HSD11B1L: variants seen among roughly 807,000 people sequenced by gnomAD.
HSD11B1L encodes hydroxysteroid 11-beta-dehydrogenase 1-like protein.
HSD11B1L carries 22 observed loss-of-function variants against 27.0 expected under a neutral mutation model. The ratio of observed to expected loss-of-function variants is 0.81; its 90% confidence interval spans 0.58 to 1.16. The LOEUF is 1.16. Among genes scored for constraint, HSD11B1L ranks in the 50% most tolerant of loss-of-function variants. HSD11B1L has a pLI of 0.00. For missense variants in HSD11B1L, 372 were observed against 401.8 expected, an observed-to-expected ratio of 0.93 and a Z score of 0.63; for synonymous variants, 187 against 189.2, an observed-to-expected ratio of 0.99 and a Z score of 0.09.
chr19:5,686,558 G>T (rs753305620), intron 4 of HSD11B1L, 31 bp downstream of exon 4: 2 of 1,520,090 alleles, frequency 1.3e-6, no homozygotes, highest in Non-Finnish European at 1.8e-6. Flanking sequence ...CCTGGAGTCC[G>T]GGACCGTGGC....
In HSD11B1L at chr19:5,687,351, C is replaced by CTGG. The variant is rs2054726283; in HGVS notation, c.487_489dup (p.Val163dup). ...CAGCCTGACGGACAGCAAGGGCTCCCTGGTGGTGGTGTCCTCGCTGCTCGG... is the reference window on the plus strand; with the variant it reads ...CAGCCTGACGGACAGCAAGGGCTCCCTGGTGGTGGTGGTGTCCTCGCTGCTCGG... On this transcript the variant is annotated inframe_insertion, in exon 6 of 8. Coordinates refer to ENST00000339423, the MANE Select transcript of HSD11B1L (RefSeq NM_198706.3). The surrounding 1 kb of genome is among the most constrained non-coding windows in gnomAD (Gnocchi z 6.6). 6.2e-7 allele frequency: 1 copy of CTGG among 1,612,738 alleles called. No individual in the cohort carries two copies. The highest frequency in any genetic ancestry group is 8.5e-7 in the Non-Finnish European group (1 of 1,179,746).
rs1291073948 is a variant in HSD11B1L, at chr19:5,688,167, C to G, written c.*222C>G. The G allele has an allele frequency of 1.0e-5, 16 of 1,550,356 alleles. No homozygotes were observed. Among genetic ancestry groups the G allele is most frequent in the Non-Finnish European group, 4.4e-6 (5 of 1,146,924 alleles). The stretch of plus-strand genomic sequence containing the variant: ...GTTAGGCGCCTTTGTCGGGGACTTG[C>G]AAGGCCTCACCTGTTTGGCCATGAT... On this transcript the variant is annotated 3_prime_UTR_variant, in exon 8 of 8. Coordinates refer to ENST00000339423, the MANE Select transcript of HSD11B1L (RefSeq NM_198706.3).
At position 5,684,826 on chromosome 19, in the gene HSD11B1L, C is replaced by T. The variant is rs1599421711; in HGVS notation, c.-7C>T. The T allele has an allele frequency of 2.5e-6, 4 of 1,613,758 alleles. No homozygotes were observed. Among genetic ancestry groups the T allele is most frequent in the Non-Finnish European group, 3.4e-6 (4 of 1,179,998 alleles). On this transcript the variant is annotated 5_prime_UTR_variant, in exon 2 of 8. Transcript: ENST00000339423. ...TCCCCTGTCCCTCTGCAGGCCCACA[C>T]AGGACCATGAAGGTGCTTCTCCTCA...
At chr19:5,681,787 C>A (rs1415489818) in intron 1 of HSD11B1L, among the ~76,000 whole-genome samples, 1 of 152,180 alleles carries the variant, frequency 6.6e-6, no homozygotes, top group Non-Finnish European at 1.5e-5. Context: ...ATCCACCCAT[C>A]CATCTATTCA....
Position 5,685,357 on chromosome 19 carries a change from C to T in HSD11B1L, c.204+238C>T, listed in dbSNP as rs1290844316. The T allele has an allele frequency of 4.6e-6, 3 of 654,802 alleles. No homozygotes were observed. Among genetic ancestry groups the T allele is most frequent in the South Asian group, 1.5e-5 (1 of 66,352 alleles). The allele number at this position is 654,802 out of a possible 1,614,324, so 40.6% of individuals were successfully genotyped here. A position where few individuals can be genotyped will look rare whatever the true frequency, so the allele number is the denominator to read the frequency against. ...TTGGGAGGCCGAGGAAAGTGGATCACCTGAGGTCAGGAGTTCAAGACCAGC... is the reference window on the plus strand; with the variant it reads ...TTGGGAGGCCGAGGAAAGTGGATCATCTGAGGTCAGGAGTTCAAGACCAGC... On this transcript the variant is annotated intron_variant, in intron 3 of 7. Coordinates refer to ENST00000339423, the MANE Select transcript of HSD11B1L (RefSeq NM_198706.3). The surrounding 1 kb of genome is among the most constrained non-coding windows in gnomAD (Gnocchi z 4.3).
intron 1 of HSD11B1L, among the ~76,000 whole-genome samples, chr19:5,681,636 ATCCATCCATCCATCCATGCATCCGTCCG>A (rs1054849682): frequency 2.6e-5 from 4 of 151,254 alleles, no homozygotes; most frequent in South Asian, 2.1e-4. Flanking sequence ...CCATCCATCC[ATCCATCCATCCATCCATGCATCCGTCCG>A]TCCATCCATC....
At chr19:5,686,783 A>T in intron 4 of HSD11B1L, 117 bp from the exon 5 acceptor site, 1 of 838,740 alleles carries the variant, frequency 1.2e-6, no homozygotes, top group Non-Finnish European at 1.9e-6. Context: ...TCGTAGTGGG[A>T]GTTACCTGGG....
Position 5,684,763 on chromosome 19 carries a change from C to T in HSD11B1L, c.-14-56C>T, listed in dbSNP as rs760648115. ...GGCATCACCAAACACCCACCAAACA[C>T]GGGTGGCTGTGGGCCAGGCCTGTGC... On this transcript the variant is annotated intron_variant, in intron 1 of 7. Transcript: ENST00000339423. 192 of 1,609,154 alleles carry T rather than the reference C, an allele frequency of 1.2e-4. 1 individual carries two copies. The highest frequency in any genetic ancestry group is 6.5e-4 in the South Asian group (59 of 90,910).
At chr19:5,681,905 C>T (rs1399977877) in intron 1 of HSD11B1L, among the ~76,000 whole-genome samples, 1 of 152,210 alleles carries the variant, frequency 6.6e-6, no homozygotes, top group Non-Finnish European at 1.5e-5. Context: ...CCATCTGGTC[C>T]CACTTCCCCC....
At chr19:5,686,832 C>T in intron 4 of HSD11B1L, 68 bp from the exon 5 acceptor site, 2 of 1,334,908 alleles carry the variant, frequency 1.5e-6, no homozygotes, top group South Asian at 1.4e-5. Flanking sequence ...TGGAGCTAAG[C>T]TCGGGGGCGG....
At position 5,687,371 on chromosome 19, in the gene HSD11B1L, G is replaced by A. The variant is rs559436875; in HGVS notation, c.498G>A (p.Leu166=). 6 of 1,611,884 alleles carry A rather than the reference G, an allele frequency of 3.7e-6. No individual in the cohort carries two copies. In the Admixed American group the frequency reaches 5.0e-5, roughly 13 times the overall value. Residue 166 remains leucine (L), a synonymous_variant, in exon 6 of 8, where the codon CTG becomes CTA. Coordinates refer to ENST00000339423, the MANE Select transcript of HSD11B1L (RefSeq NM_198706.3). The surrounding 1 kb of genome is among the most constrained non-coding windows in gnomAD (Gnocchi z 6.6). ...SKGSLVVVSS[L]LGRVPTSFST... is the part of the protein sequence containing the mutation. Reference sequence around the variant, plus strand: ...GCTCCCTGGTGGTGGTGTCCTCGCTGCTCGGTGCGTGCACCCGGCCCCGGC... The same window carrying A: ...GCTCCCTGGTGGTGGTGTCCTCGCTACTCGGTGCGTGCACCCGGCCCCGGC...
At chr19:5,686,835 G>T (rs1199729028) in intron 4 of HSD11B1L, 65 bp from the exon 5 acceptor site, 3 of 1,347,874 alleles carry the variant, frequency 2.2e-6, no homozygotes, top group African/African-American at 2.9e-5. Flanking sequence ...AGCTAAGCTC[G>T]GGGGCGGGGT....
rs926489251 is a variant in HSD11B1L at position 5,686,422 on chromosome 19, G to A, written c.211G>A (p.Gly71Arg). 1.3e-6 allele frequency: 2 copies of A among 1,571,298 alleles called. No homozygotes were observed. The highest frequency in any genetic ancestry group is 1.7e-6 in the Non-Finnish European group (2 of 1,159,480). ...HTEALLQKVV[G>R]NCRKLGAPKV... ...CAGCTCTGGCCCCCCCCAGGTGGTA[G>A]GGAACTGCCGGAAGCTGGGCGCCCC... The change falls in exon 4 of 8, where the codon GGG becomes AGG. Residue 71 changes from glycine (G) to arginine (R), a missense_variant. Physicochemically the swap from Gly to Arg is moderately radical, Grantham distance 125. Coordinates refer to ENST00000339423, the MANE Select transcript of HSD11B1L (RefSeq NM_198706.3).
In HSD11B1L at chr19:5,685,116, G is replaced by T; in HGVS notation, c.201G>T (p.Gln67His). The T allele has an allele frequency of 6.5e-7, 1 of 1,547,122 alleles. No homozygotes were observed. Among genetic ancestry groups the T allele is most frequent in the Non-Finnish European group, 8.7e-7 (1 of 1,147,048 alleles). ...VLTAHTEALL[Q>H]KVVGNCRKLG... ...CTGCCCACACTGAGGCTCTCCTGCA[G>T]AAGGTGAGCCACCCCATGTCTAGAT... The change falls in exon 3 of 8, where the codon CAG becomes CAT. Residue 67 changes from glutamine to histidine, a missense_variant. Gln to His is a conservative substitution (Grantham distance 24, BLOSUM62 0). Transcript: ENST00000339423. The surrounding 1 kb of genome is among the most constrained non-coding windows in gnomAD (Gnocchi z 4.3).
rs2145558507 is a variant in HSD11B1L at position 5,687,094 on chromosome 19, A to C, written c.408+103A>C. On this transcript the variant is annotated intron_variant, in intron 5 of 7. Transcript: ENST00000339423. The surrounding 1 kb of genome is among the most constrained non-coding windows in gnomAD (Gnocchi z 6.6). Reference sequence around the variant, plus strand: ...CTGCCTTCTCCAGGGAGGGCTCTCCACCCGTCCCGCCCCAGCCACGCCCCT... The same window carrying C: ...CTGCCTTCTCCAGGGAGGGCTCTCCCCCCGTCCCGCCCCAGCCACGCCCCT... The C allele has an allele frequency of 8.4e-7, 1 of 1,185,336 alleles. No individual in the cohort carries two copies. The highest frequency in any genetic ancestry group is 1.2e-6 in the Non-Finnish European group (1 of 843,010). The allele number at this position is 1,185,336 out of a possible 1,614,324, so 73.4% of individuals were successfully genotyped here.
chr19:5,684,002 G>A, intron 1 of HSD11B1L: 1 of 454,452 alleles, frequency 2.2e-6, no homozygotes, highest in Non-Finnish European at 3.9e-6. Flanking sequence ...TTGATACGGA[G>A]TTTCGCTCTT....
chr19:5,687,910 C>T lies in HSD11B1L; in HGVS notation c.826C>T (p.Arg276Cys), dbSNP rs866730416. Residue 276 changes from arginine to cysteine, a missense_variant, in exon 8 of 8, where the codon CGC (arginine) becomes TGC (cysteine). Physicochemically the swap from Arg to Cys is radical, Grantham distance 180. Transcript: ENST00000339423. This position sits in a 1 kb window ranked among gnomAD's most constrained non-coding sequence, Gnocchi z 6.6. ...WLPRPRAWFIRQELNVTAAAA is the reference protein window; with the variant it reads ...WLPRPRAWFICQELNVTAAAA ...ACCGCGCCCGCGGGCCTGGTTTATCCGCCAGGAGCTCAACGTCACGGCCGC... is the reference window on the plus strand; with the variant it reads ...ACCGCGCCCGCGGGCCTGGTTTATCTGCCAGGAGCTCAACGTCACGGCCGC... 14 of 1,572,352 alleles carry T rather than the reference C, an allele frequency of 8.9e-6. No individual in the cohort carries two copies. The highest frequency in any genetic ancestry group is 1.4e-5 in the African/African-American group (1 of 73,706).
At chr19:5,682,226 G>T (rs558528870) in intron 1 of HSD11B1L, among the ~76,000 whole-genome samples, 2 of 152,324 alleles carry the variant, frequency 1.3e-5, no homozygotes, top group South Asian at 4.1e-4. Context: ...GAAGGGCCAT[G>T]GCCATGTTGC....
Position 5,688,454 on chromosome 19 carries a change from G to C in HSD11B1L, c.*509G>C. The C allele has an allele frequency of 1.9e-6, 1 of 520,516 alleles. No homozygotes were observed. The highest frequency in any genetic ancestry group is 3.4e-6 in the Non-Finnish European group (1 of 293,496). The allele number at this position is 520,516 out of a possible 1,614,324, so 32.2% of individuals were successfully genotyped here. On this transcript the variant is annotated 3_prime_UTR_variant, in exon 8 of 8. Transcript: ENST00000339423. ...GGTGGCAGGGTCTGAGCGGGAGGAG[G>C]AGGGAAAGAGTGTGTTCTGAGCTGG...
Sources: allele counts gnomAD v4.1 joint callset (sites outside exome capture counted in the v4.1 genomes callset), GRCh38; gene constraint gnomAD v4.1.1; non-coding constraint Gnocchi (gnomAD v3.1); transcripts MANE v1.5; gene names NCBI Gene and HGNC (gene_info 2026-07-23, HGNC 2026-07-21).